THTPA: variants seen among roughly 807,000 people sequenced by gnomAD.
The protein encoded by THTPA is thiamine-triphosphatase.
In THTPA, 16 loss-of-function variants were observed where a neutral mutation model predicts 16.5. The ratio of observed to expected loss-of-function variants is 0.97; its 90% CI spans 0.66 to 1.47. THTPA has a LOEUF of 1.47. Among genes scored for constraint, THTPA ranks in the 40% most tolerant of loss-of-function variants. The pLI is 0.00. For synonymous variants in THTPA, 110 were observed against 115.5 expected (o/e 0.95, Z 0.30); for missense variants, 281 against 280.9 (o/e 1.00, Z 0.00).
chr14:23,525,289 G>A, the THTPA span: 1 of 1,536,124 alleles, frequency 6.5e-7, no homozygotes. This position sits in a 1 kb window ranked among gnomAD's most constrained non-coding sequence, Gnocchi z 5.9. Context: ...GGACCAGGAA[G>A]GGTGGGCCCA....
Position 23,557,005 on chromosome 14 carries a change from C to T in THTPA, c.248C>T (p.Thr83Ile). 2 of 1,614,244 alleles carry T rather than the reference C, an allele frequency of 1.2e-6. No homozygotes were observed. Among genetic ancestry groups the T allele is most frequent in the Non-Finnish European group, 1.7e-6 (2 of 1,180,050 alleles). Residue 83 changes from threonine (T) to isoleucine (I), a missense_variant, in exon 1 of 2, where the codon ACA becomes ATA. Transcript: ENST00000288014. ...LGPHTEYKEL[T>I]AEPTIVAQLC... Reference sequence around the variant, plus strand: ...CCCCACACGGAGTATAAGGAACTCACAGCGGAACCTACAATTGTGGCCCAA... The same window carrying T: ...CCCCACACGGAGTATAAGGAACTCATAGCGGAACCTACAATTGTGGCCCAA...
upstream of THTPA, among the ~76,000 whole-genome samples, chr14:23,555,377 C>A (rs1882276886): frequency 6.6e-6 from 1 of 152,196 alleles, no homozygotes; most frequent in African/African-American, 2.4e-5. Flanking sequence ...CTGACAAACT[C>A]CTCAGTCTAG....
chr14:23,526,682 A>G, the THTPA span: 1 of 1,535,906 alleles, frequency 6.5e-7, no homozygotes, highest in East Asian at 2.4e-5. Context: ...AGGGCCTTCT[A>G]GGGGAGAGAG....
the THTPA span, chr14:23,543,893 T>A: frequency 1.3e-5 from 2 of 151,790 alleles, no homozygotes. Flanking sequence ...GGAATCAAAT[T>A]CTAGTTCTGT....
the THTPA span, among the ~76,000 whole-genome samples, chr14:23,541,514 C>G: frequency 6.6e-6 from 1 of 151,636 alleles, no homozygotes; most frequent in African/African-American, 2.4e-5. Context: ...CTCAAACTCC[C>G]AACCTCAGGT....
the THTPA span, chr14:23,534,215 C>T: frequency 1.3e-6 from 2 of 1,501,694 alleles, no homozygotes; most frequent in Non-Finnish European, 1.8e-6. This position sits in a 1 kb window ranked among gnomAD's most constrained non-coding sequence, Gnocchi z 4.5. Flanking sequence ...CAATCTGGCC[C>T]TGCCTCGCCT....
chr14:23,542,797 G>A, the THTPA span: 1 of 151,796 alleles, frequency 6.6e-6, no homozygotes, highest in African/African-American at 2.4e-5. Flanking sequence ...GTGCAGTGGT[G>A]TGATCTCAGC....
the THTPA span, chr14:23,529,598 C>T: frequency 7.3e-6 from 8 of 1,100,002 alleles, no homozygotes; most frequent in Non-Finnish European, 1.1e-5. Flanking sequence ...CTGTGCTATT[C>T]TGAGTGAAAT....
At chr14:23,537,292 C>A in the THTPA span, among the ~76,000 whole-genome samples, 2 of 151,954 alleles carry the variant, frequency 1.3e-5, no homozygotes, top group African/African-American at 4.8e-5. Context: ...GCCTCTCCAT[C>A]CTATACTTCC....
chr14:23,530,404 A>G, the THTPA span: 1 of 681,680 alleles, frequency 1.5e-6, no homozygotes. Context: ...GTAGGGCCTA[A>G]GAGATCATTT....
At chr14:23,532,479 T>G in the THTPA span, 1 of 1,376,218 alleles carries the variant, frequency 7.3e-7, no homozygotes, top group East Asian at 2.6e-5. Flanking sequence ...TCACCCAGGG[T>G]TTTCCTATCA....
the THTPA span, among the ~76,000 whole-genome samples, chr14:23,516,413 A>G: frequency 6.6e-6 from 1 of 152,106 alleles, no homozygotes; most frequent in African/African-American, 2.4e-5. Context: ...AGTGGGAGGA[A>G]AAGGAGAGAT....
the THTPA span, among the ~76,000 whole-genome samples, chr14:23,544,648 G>A: frequency 1.3e-5 from 2 of 152,186 alleles, no homozygotes; most frequent in Non-Finnish European, 1.5e-5. Context: ...CGGCTGGCGC[G>A]GGCGTGTTTA....
chr14:23,532,377 A>T, the THTPA span: 1 of 651,018 alleles, frequency 1.5e-6, no homozygotes, highest in Non-Finnish European at 2.3e-6. Context: ...GTCAGAGTTT[A>T]CTATCCTTTG....
the THTPA span, among the ~76,000 whole-genome samples, chr14:23,536,223 C>G: frequency 6.6e-6 from 1 of 152,180 alleles, no homozygotes; most frequent in Non-Finnish European, 1.5e-5. Context: ...CATCCAGCAG[C>G]CAGAATGGGG....
chr14:23,553,235 T>A (rs1027149858), upstream of THTPA, among the ~76,000 whole-genome samples: 1 of 152,196 alleles, frequency 6.6e-6, no homozygotes, highest in Admixed American at 6.5e-5. Context: ...CATTTTGAGT[T>A]TATACTATGT....
chr14:23,549,736 C>T, the THTPA span, among the ~76,000 whole-genome samples: 1 of 152,182 alleles, frequency 6.6e-6, no homozygotes, highest in African/African-American at 2.4e-5. Context: ...GACATAATGG[C>T]ACTGACTGAT....
chr14:23,559,294 T>C lies in THTPA; in HGVS notation c.*454T>C, dbSNP rs1457639394. On this transcript the variant is annotated 3_prime_UTR_variant, in exon 2 of 2. Transcript: ENST00000288014. ...AACAGAAGAAAAGTTGAGGAAATGG[T>C]TGGGAATCGCTGTTAGAACTCTAGA... is the stretch of plus-strand genomic sequence containing the variant. 2 of 217,558 alleles carry C rather than the reference T, an allele frequency of 9.2e-6. No individual in the cohort carries two copies. Among genetic ancestry groups the C allele is most frequent in the African/African-American group, 4.6e-5 (2 of 43,120 alleles). The allele number at this position is 217,558 out of a possible 1,614,324, so 13.5% of individuals were successfully genotyped here.
chr14:23,526,021 C>T, the THTPA span: 7 of 1,535,458 alleles, frequency 4.6e-6, no homozygotes, highest in Non-Finnish European at 6.1e-6. Context: ...GGCCCTTCTT[C>T]TCAGTGCCCA....
Sources: gnomAD v4.1 joint callset for allele counts (sites outside exome capture counted in the v4.1 genomes callset) on GRCh38, gnomAD v4.1.1 for gene constraint, Gnocchi (gnomAD v3.1) non-coding constraint, MANE v1.5 for transcripts, NCBI Gene and HGNC (gene_info 2026-07-23, HGNC 2026-07-21) for gene names.